TPST2: variants seen among roughly 807,000 people sequenced by gnomAD.
TPST2 encodes tyrosylprotein sulfotransferase 2, also known as protein-tyrosine sulfotransferase 2.
Under a neutral mutation model 27.8 loss-of-function variants are expected in TPST2, and 16 were observed. That is an observed-to-expected ratio of 0.58 (90% confidence interval 0.39 to 0.88). The LOEUF (loss-of-function observed/expected upper bound fraction) is 0.88, where lower values mean the gene tolerates loss of function less well. Ranked by LOEUF, TPST2 falls within the 40% of genes least tolerant of loss-of-function variation. The probability of loss-of-function intolerance (pLI) is 0.00; values close to 1 mark genes in which losing one functional copy is unlikely to be tolerated. For missense variants in TPST2, 464 were observed against 543.1 expected, an observed-to-expected ratio of 0.85 and a Z score of 1.45; for synonymous variants, 229 against 231.7, an observed-to-expected ratio of 0.99 and a Z score of 0.10.
chr22:26,571,299 C>T (rs563424443), intron 1 of TPST2, among the ~76,000 whole-genome samples: 5 of 152,194 alleles, frequency 3.3e-5, no homozygotes, highest in African/African-American at 4.8e-5. Context: ...CCCAAACATC[C>T]ACTTGGCTCA....
chr22:26,560,772 G>A (rs2147218248), intron 1 of TPST2: 2 of 1,227,412 alleles, frequency 1.6e-6, no homozygotes, highest in East Asian at 2.3e-5. Flanking sequence ...CCCTCCCAAA[G>A]GGGAGACAAA....
In TPST2 at chr22:26,541,245, G is replaced by A. The variant is rs1925796454; in HGVS notation, c.386C>T (p.Thr129Met). 6.5e-7 allele frequency: 1 copy of A among 1,549,148 alleles called. No homozygotes were observed. The highest frequency in any genetic ancestry group is 8.7e-7 in the Non-Finnish European group (1 of 1,145,424). Residue 129 changes from threonine (T) to methionine (M), a missense_variant, in exon 3 of 7, where the codon ACG becomes ATG. Coordinates refer to ENST00000338754, the MANE Select transcript of TPST2 (RefSeq NM_003595.5). This position sits in a 1 kb window ranked among gnomAD's most constrained non-coding sequence, Gnocchi z 5.9. ...CATGGCGGCGTCCAGCACCTCATCC[G>A]TCACCCCCGCCTCATCCAGCCGCAG... is the stretch of plus-strand genomic sequence containing the variant. ...EKLRLDEAGV[T>M]DEVLDAAMQA... is the part of the protein sequence containing the mutation.
chr22:26,560,866 AAGG>A (rs1169441820), intron 1 of TPST2: 16 of 1,593,592 alleles, frequency 1.0e-5, no homozygotes, highest in Non-Finnish European at 1.2e-5. Context: ...CCAAAAATCA[AAGG>A]AGAACATCCT....
chr22:26,563,267 C>T (rs1016764242), intron 1 of TPST2, among the ~76,000 whole-genome samples: 10 of 152,070 alleles, frequency 6.6e-5, no homozygotes, highest in Admixed American at 5.9e-4. Flanking sequence ...CACTGATATC[C>T]TTCCAGAAGA....
intron 1 of TPST2, among the ~76,000 whole-genome samples, chr22:26,564,592 C>T (rs1303708637): frequency 1.3e-5 from 2 of 152,196 alleles, no homozygotes; most frequent in Non-Finnish European, 2.9e-5. Flanking sequence ...TGGGCTCCTA[C>T]CACTCACTGC....
chr22:26,571,217 A>C (rs1338039916), intron 1 of TPST2, among the ~76,000 whole-genome samples: 1 of 150,008 alleles, frequency 6.7e-6, no homozygotes, highest in Non-Finnish European at 1.5e-5. Context: ...CCTTGCTGTC[A>C]CTCAAACACA....
chr22:26,575,624 C>A (rs1263730069), intron 1 of TPST2, among the ~76,000 whole-genome samples: 1 of 152,208 alleles, frequency 6.6e-6, no homozygotes. Context: ...AGGAGGTGCT[C>A]ATATTTGCTG....
chr22:26,536,541 C>A (rs547724213), intron 3 of TPST2, 55 bp from the exon 4 acceptor site: 40 of 1,404,136 alleles, frequency 2.8e-5, no homozygotes, highest in Non-Finnish European at 3.7e-5. Flanking sequence ...GGCGCCTGAG[C>A]GGATTCCCTG....
At chr22:26,558,834 C>T (rs9608501) in intron 1 of TPST2, among the ~76,000 whole-genome samples, 65,548 of 151,924 alleles carry the variant, frequency 0.43, 14,273 homozygotes, top group East Asian at 0.52. Context: ...TTTTTTAGAT[C>T]AGTGGAAAAA....
intron 1 of TPST2, 86 bp from the exon 2 acceptor site, chr22:26,544,761 C>T (rs1926030079): frequency 2.7e-6 from 2 of 742,836 alleles, no homozygotes; most frequent in Admixed American, 6.2e-5. Context: ...AGGGTTTAGG[C>T]TCCCAAGAGC....
At chr22:26,571,140 A>AC (rs555196029) in intron 1 of TPST2, among the ~76,000 whole-genome samples, 191 of 151,852 alleles carry the variant, frequency 1.3e-3, no homozygotes, top group African/African-American at 3.0e-3. Context: ...TACAGGTTTG[A>AC]CCCCACCCCT....
At chr22:26,570,923 C>T (rs949818941) in intron 1 of TPST2, among the ~76,000 whole-genome samples, 1 of 152,202 alleles carries the variant, frequency 6.6e-6, no homozygotes, top group Non-Finnish European at 1.5e-5. Flanking sequence ...CACTGCCAGA[C>T]GTTTGTTTCA....
At chr22:26,560,025 A>C (rs1275455916) in intron 1 of TPST2, among the ~76,000 whole-genome samples, 1 of 152,164 alleles carries the variant, frequency 6.6e-6, no homozygotes, top group East Asian at 1.9e-4. Flanking sequence ...AGAGAAGATG[A>C]TTTCTAGATT....
Position 26,532,291 on chromosome 22 carries a change from T to A in TPST2, c.1092+404A>T, listed in dbSNP as rs1602251718. ...CCCACAGCCCTTTATTTTTTATTTT[T>A]ATTTTTTGAGATGGAGTCTCGCTCT... On this transcript the variant is annotated intron_variant, in intron 5 of 6. Transcript: ENST00000338754. Among the ~76,000 whole-genome samples the A allele has an allele frequency of 3.3e-5, 5 of 152,326 alleles. No individual in the cohort carries two copies. The South Asian group carries it at 1.0e-3, about 32-fold the overall frequency.
intron 1 of TPST2, among the ~76,000 whole-genome samples, chr22:26,549,552 G>A (rs571533337): frequency 1.3e-5 from 2 of 151,510 alleles, no homozygotes; most frequent in Admixed American, 1.3e-4. Context: ...AGCTACTCAG[G>A]AGGCTGAGGC....
chr22:26,544,248 A>G (rs1199284877), intron 2 of TPST2, among the ~76,000 whole-genome samples: 2 of 152,196 alleles, frequency 1.3e-5, no homozygotes, highest in Non-Finnish European at 2.9e-5. Context: ...GCATACCTAA[A>G]ACACTAACAT....
In TPST2 at chr22:26,576,556, G is replaced by A. The variant is rs934562131; in HGVS notation, c.-161+13497C>T. Among the ~76,000 whole-genome samples, 8 of 152,112 alleles carry A rather than the reference G, an allele frequency of 5.3e-5. No individual in the cohort carries two copies. In the East Asian group the frequency reaches 5.8e-4, roughly 11 times the overall value. On this transcript the variant is annotated intron_variant, in intron 1 of 6. Coordinates refer to ENST00000338754, the MANE Select transcript of TPST2 (RefSeq NM_003595.5). ...AAGTAGAAGGAACAGCTCGAGCAGC[G>A]GGTAGAAGTGTGAAAGCACACTGGA...
rs539935075 is a variant in TPST2 at position 26,586,353 on chromosome 22, G to A, written c.-161+3700C>T. ...AGCTCTCTGCAACCTCTACTCAAGC[G>A]ATCCTTCCACCTCAGCCTCCCGGCT... On this transcript the variant is annotated intron_variant, in intron 1 of 6. Coordinates refer to ENST00000338754, the MANE Select transcript of TPST2 (RefSeq NM_003595.5). 5.3e-5 allele frequency among the ~76,000 whole-genome samples: 8 copies of A among 152,208 alleles called. No individual in the cohort carries two copies. The East Asian group carries it at 1.4e-3, about 26-fold the overall frequency.
At chr22:26,580,336 T>C (rs1242955480) in intron 1 of TPST2, among the ~76,000 whole-genome samples, 1 of 152,176 alleles carries the variant, frequency 6.6e-6, no homozygotes, top group Non-Finnish European at 1.5e-5. Context: ...TCCTACACCA[T>C]CAACGGGCAC....
Sources: allele counts gnomAD v4.1 joint callset (sites outside exome capture counted in the v4.1 genomes callset), GRCh38; gene constraint gnomAD v4.1.1; non-coding constraint Gnocchi (gnomAD v3.1); transcripts MANE v1.5; gene names NCBI Gene and HGNC (gene_info 2026-07-23, HGNC 2026-07-21).